The following ATRNL1 variants were observed in gnomAD, a reference collection of about 807,000 sequenced individuals.
ATRNL1 encodes attractin like 1.
Under a neutral mutation model 182.7 loss-of-function variants are expected in ATRNL1, and 95 were observed. The ratio of observed to expected loss-of-function variants is 0.52; its 90% confidence interval spans 0.44 to 0.62. ATRNL1 has a LOEUF of 0.62. ATRNL1 is among the 20% of genes least tolerant of loss of function. The probability of loss-of-function intolerance (pLI) is 0.00; values close to 1 mark genes in which losing one functional copy is unlikely to be tolerated. For missense variants in ATRNL1, 1,471 were observed against 1,679.5 expected (o/e 0.88, Z 2.17); for synonymous variants, 576 against 568.3 (o/e 1.01, Z -0.19).
chr10:115,229,217 G>GA (rs1373341641), intron 9 of ATRNL1, among the ~76,000 whole-genome samples: 1 of 152,052 alleles, frequency 6.6e-6, no homozygotes, highest in Admixed American at 6.6e-5. Flanking sequence ...CTGGTTACAT[G>GA]AAATGATTTA....
chr10:115,878,513 C>T lies in ATRNL1; in HGVS notation c.4018+30522C>T, dbSNP rs145663428. Among the ~76,000 whole-genome samples the T allele has an allele frequency of 3.9e-3, 592 of 152,300 alleles. 5 individuals are homozygous for T. Among genetic ancestry groups the T allele is most frequent in the African/African-American group, 0.014 (570 of 41,568 alleles). On this transcript the variant is annotated intron_variant, in intron 28 of 28. Transcript: ENST00000355044. ...GCAGAATACCAGATAATTGACATATCAGTGCATCTCTAGTCTGGGTAGATT... is the reference window on the plus strand; with the variant it reads ...GCAGAATACCAGATAATTGACATATTAGTGCATCTCTAGTCTGGGTAGATT...
At chr10:115,334,441 T>G in intron 19 of ATRNL1, 22 bp downstream of exon 19, 9 of 1,497,446 alleles carry the variant, frequency 6.0e-6, no homozygotes, top group Non-Finnish European at 7.2e-6. Context: ...TTAAGCAAAT[T>G]TTGGTGTATT....
At chr10:115,388,300 A>G (rs908091191) in intron 19 of ATRNL1, among the ~76,000 whole-genome samples, 10 of 152,202 alleles carry the variant, frequency 6.6e-5, no homozygotes, top group Admixed American at 4.6e-4. Flanking sequence ...TGCTTTGTAA[A>G]CATAGTTGCT....
intron 26 of ATRNL1, among the ~76,000 whole-genome samples, chr10:115,622,911 A>T (rs545447464): frequency 6.6e-6 from 1 of 152,074 alleles, no homozygotes; most frequent in Non-Finnish European, 1.5e-5. Flanking sequence ...TAGGTGACAG[A>T]GCGAGACTGT....
intron 27 of ATRNL1, among the ~76,000 whole-genome samples, chr10:115,828,904 A>G (rs550636532): frequency 2.6e-5 from 4 of 152,318 alleles, no homozygotes; most frequent in African/African-American, 4.8e-5. Context: ...GTAATGTCCC[A>G]TTATTAGCCC....
At chr10:115,669,395 C>A (rs1489348909) in intron 26 of ATRNL1, among the ~76,000 whole-genome samples, 2 of 152,042 alleles carry the variant, frequency 1.3e-5, no homozygotes, top group African/African-American at 4.8e-5. Flanking sequence ...AATATTGAGA[C>A]CACATTACTG....
At chr10:115,555,672 A>C (rs11197297) in intron 26 of ATRNL1, among the ~76,000 whole-genome samples, 2 of 151,718 alleles carry the variant, frequency 1.3e-5, no homozygotes, top group African/African-American at 4.8e-5. Context: ...CTTAAAATCT[A>C]TATTATTAAC....
At chr10:115,569,925 C>G (rs573556930) in intron 26 of ATRNL1, among the ~76,000 whole-genome samples, 1 of 152,220 alleles carries the variant, frequency 6.6e-6, no homozygotes, top group African/African-American at 2.4e-5. Flanking sequence ...GATTTGGTGT[C>G]TGGCGAGGGG....
intron 25 of ATRNL1, among the ~76,000 whole-genome samples, chr10:115,532,419 G>T (rs1554988615): frequency 6.6e-6 from 1 of 152,036 alleles, no homozygotes; most frequent in African/African-American, 2.4e-5. Flanking sequence ...CTCATGATTT[G>T]GCTCTCTATC....
At chr10:115,759,117 A>G (rs1166296605) in intron 27 of ATRNL1, among the ~76,000 whole-genome samples, 7 of 152,228 alleles carry the variant, frequency 4.6e-5, no homozygotes, top group African/African-American at 1.4e-4. Context: ...ATTAATGCCT[A>G]TAATATTGTA....
chr10:115,424,698 C>CATAT lies in ATRNL1; in HGVS notation c.3270-1552_3270-1551insATAT, dbSNP rs1845804151. Among the ~76,000 whole-genome samples the CATAT allele has an allele frequency of 3.9e-5, 6 of 152,128 alleles. No homozygotes were observed. The South Asian group carries it at 1.2e-3, about 32-fold the overall frequency. On this transcript the variant is annotated intron_variant, in intron 20 of 28. Coordinates refer to ENST00000355044, the MANE Select transcript of ATRNL1 (RefSeq NM_207303.4). ...AGAAGAAAAATACTGCATGATCTCACTTATATGTAGACTCTAAAAAGACTG... is the reference window on the plus strand; with the variant it reads ...AGAAGAAAAATACTGCATGATCTCACATATTTATATGTAGACTCTAAAAAGACTG...
intron 24 of ATRNL1, among the ~76,000 whole-genome samples, chr10:115,511,043 A>C (rs1850359398): frequency 6.6e-6 from 1 of 152,044 alleles, no homozygotes; most frequent in Non-Finnish European, 1.5e-5. Context: ...AGGATTTATC[A>C]TCAGAATAAT....
At chr10:115,920,715 A>G (rs535586712) in intron 28 of ATRNL1, among the ~76,000 whole-genome samples, 2 of 152,340 alleles carry the variant, frequency 1.3e-5, no homozygotes, top group East Asian at 3.9e-4. Flanking sequence ...TGTCTTTTAC[A>G]ACAATCACCT....
chr10:115,445,842 A>G (rs190447935), intron 21 of ATRNL1, among the ~76,000 whole-genome samples: 275 of 2,776 alleles, frequency 0.099, 1 homozygote, highest in African/African-American at 0.27. Flanking sequence ...TTTTGGACAT[A>G]ACAAAATAAA....
chr10:115,704,032 C>T (rs1946821550), intron 26 of ATRNL1, among the ~76,000 whole-genome samples: 1 of 151,810 alleles, frequency 6.6e-6, no homozygotes, highest in Admixed American at 6.6e-5. Flanking sequence ...AAATGAATCC[C>T]AGATTTATTA....
intron 13 of ATRNL1, among the ~76,000 whole-genome samples, chr10:115,273,296 G>T (rs1851954560): frequency 6.6e-6 from 1 of 152,110 alleles, no homozygotes; most frequent in Non-Finnish European, 1.5e-5. Flanking sequence ...CCACAGAAGT[G>T]GTCATCTTAT....
intron 20 of ATRNL1, among the ~76,000 whole-genome samples, chr10:115,412,275 A>C (rs1359967323): frequency 6.6e-6 from 1 of 152,106 alleles, no homozygotes; most frequent in Non-Finnish European, 1.5e-5. Context: ...TAAGGAAATA[A>C]ATTTTGCCAA....
intron 27 of ATRNL1, among the ~76,000 whole-genome samples, chr10:115,786,734 T>C (rs1555080493): frequency 6.6e-6 from 1 of 152,212 alleles, no homozygotes; most frequent in African/African-American, 2.4e-5. Flanking sequence ...CTTACAGACC[T>C]CTAATTCTTC....
At chr10:115,153,020 T>G (rs1846318700) in intron 5 of ATRNL1, among the ~76,000 whole-genome samples, 1 of 152,160 alleles carries the variant, frequency 6.6e-6, no homozygotes, top group Non-Finnish European at 1.5e-5. Context: ...GGATTACGCT[T>G]ATTGATTTGC....
Sources: allele counts gnomAD v4.1 joint callset (sites outside exome capture counted in the v4.1 genomes callset), GRCh38; gene constraint gnomAD v4.1.1; transcripts MANE v1.5; gene names NCBI Gene and HGNC (gene_info 2026-07-23, HGNC 2026-07-21).